CSMD1: variants seen among roughly 807,000 people sequenced by gnomAD.
CSMD1 encodes the protein CUB and Sushi multiple domains 1.
A neutral mutation model predicts 417.5 loss-of-function variants in CSMD1; 213 were observed. The observed-to-expected ratio is 0.51, with a 90% CI of 0.46 to 0.57. The LOEUF (loss-of-function observed/expected upper bound fraction) is 0.57. CSMD1 is among the 20% of genes least tolerant of loss of function. The pLI is 0.00. For synonymous variants in CSMD1, 2,862 were observed against 1,736.8 expected (o/e 1.65, Z -16.11); for missense variants, 6,923 against 4,529.7 (o/e 1.53, Z -15.17).
chr8:3,448,423 GGAA>G lies in CSMD1; in HGVS notation c.1561+20286_1561+20288del, dbSNP rs1187780999. Among the ~76,000 whole-genome samples, 12 of 149,552 alleles carry G rather than the reference GGAA, an allele frequency of 8.0e-5. 2 individuals carry two copies. Among genetic ancestry groups the G allele is most frequent in the African/African-American group, 2.5e-4 (10 of 40,654 alleles). ...GGAAGGAAGGAAGGAAGGAAGGGAA[GGAA>G]GAAGGAGCAATGAAGATGACTGTGG... On this transcript the variant is annotated intron_variant, in intron 12 of 69. Coordinates refer to ENST00000635120, the MANE Select transcript of CSMD1 (RefSeq NM_033225.6).
intron 26 of CSMD1, among the ~76,000 whole-genome samples, chr8:3,277,437 C>T (rs773770140): frequency 5.3e-5 from 8 of 152,126 alleles, no homozygotes; most frequent in South Asian, 4.1e-4. Context: ...TAGACCAAGG[C>T]GGCAGGGCAC....
chr8:3,797,248 T>C (rs866782979), intron 5 of CSMD1, among the ~76,000 whole-genome samples: 2 of 151,930 alleles, frequency 1.3e-5, no homozygotes, highest in Middle Eastern at 3.2e-3. Context: ...CAAACTCAAG[T>C]GGCTATAAAG....
At chr8:3,929,362 T>C (rs1352175952) in intron 5 of CSMD1, among the ~76,000 whole-genome samples, 1 of 150,588 alleles carries the variant, frequency 6.6e-6, no homozygotes, top group Non-Finnish European at 1.5e-5. Context: ...CTAGACATTA[T>C]TTGAAAAAGT....
At chr8:4,524,768 C>A (rs919900606) in intron 2 of CSMD1, among the ~76,000 whole-genome samples, 4 of 152,050 alleles carry the variant, frequency 2.6e-5, no homozygotes, top group African/African-American at 9.7e-5. Flanking sequence ...ATTCTATCGA[C>A]AAAGTATTTA....
At chr8:4,470,856 G>T (rs376173533) in intron 2 of CSMD1, among the ~76,000 whole-genome samples, 1 of 151,886 alleles carries the variant, frequency 6.6e-6, no homozygotes, top group African/African-American at 2.4e-5. Context: ...GATTTTTTTT[G>T]AGTTATGTAA....
intron 11 of CSMD1, among the ~76,000 whole-genome samples, chr8:3,489,888 C>T (rs1343975100): frequency 2.0e-5 from 3 of 152,100 alleles, no homozygotes; most frequent in African/African-American, 7.2e-5. Context: ...TGCCAGTCTG[C>T]CATGAAGAGG....
At chr8:3,814,892 T>C (rs550246979) in intron 5 of CSMD1, among the ~76,000 whole-genome samples, 2 of 152,264 alleles carry the variant, frequency 1.3e-5, no homozygotes, top group African/African-American at 4.8e-5. Flanking sequence ...AAAGTCATGG[T>C]GAAAATAAAT....
intron 5 of CSMD1, among the ~76,000 whole-genome samples, chr8:3,883,620 TATCA>T (rs1306175675): frequency 2.0e-5 from 3 of 152,290 alleles, no homozygotes; most frequent in South Asian, 2.1e-4. Context: ...TATCAATTAA[TATCA>T]ATTATTAAAA....
chr8:4,248,447 A>C (rs1802844149), intron 3 of CSMD1, among the ~76,000 whole-genome samples: 1 of 152,142 alleles, frequency 6.6e-6, no homozygotes, highest in East Asian at 1.9e-4. Flanking sequence ...ATAAGATCCT[A>C]ATTAAAAGTA....
chr8:4,808,880 T>C (rs570064079), intron 1 of CSMD1, among the ~76,000 whole-genome samples: 2 of 152,354 alleles, frequency 1.3e-5, no homozygotes, highest in South Asian at 4.1e-4. Flanking sequence ...CTGGATCCAA[T>C]ATTCTTTTTC....
At chr8:3,066,700 T>C (rs900729869) in intron 49 of CSMD1, among the ~76,000 whole-genome samples, 22 of 152,168 alleles carry the variant, frequency 1.4e-4, no homozygotes, top group African/African-American at 5.3e-4. Context: ...CCAAACAGAC[T>C]GAAGGCTGGT....
intron 1 of CSMD1, among the ~76,000 whole-genome samples, chr8:4,911,541 C>T (rs957861949): frequency 3.3e-5 from 5 of 152,168 alleles, no homozygotes; most frequent in African/African-American, 1.2e-4. Context: ...CAAGTCAGGG[C>T]CAAACTTTAC....
chr8:3,024,296 T>G (rs7812721), intron 51 of CSMD1, among the ~76,000 whole-genome samples: 6,852 of 96,520 alleles, frequency 0.071, 178 homozygotes, highest in East Asian at 0.11. Flanking sequence ...AGGTTTTTTT[T>G]GGGGGGGGAG....
intron 3 of CSMD1, among the ~76,000 whole-genome samples, chr8:4,171,410 A>G (rs1383016023): frequency 6.6e-6 from 1 of 151,900 alleles, no homozygotes; most frequent in East Asian, 1.9e-4. Flanking sequence ...ATTTGACCCT[A>G]TTAATTACTT....
chr8:4,772,830 T>G (rs966227773), intron 1 of CSMD1, among the ~76,000 whole-genome samples: 1 of 152,178 alleles, frequency 6.6e-6, no homozygotes, highest in African/African-American at 2.4e-5. Flanking sequence ...TTCCTAAGTT[T>G]GATATGTATG....
intron 2 of CSMD1, among the ~76,000 whole-genome samples, chr8:4,527,614 T>G (rs932456427): frequency 6.6e-6 from 1 of 152,160 alleles, no homozygotes; most frequent in Non-Finnish European, 1.5e-5. Flanking sequence ...GGGCCCCATA[T>G]TGCAGCCATA....
At position 4,606,328 on chromosome 8, in the gene CSMD1, G is replaced by A. The variant is rs144355441; in HGVS notation, c.302+31014C>T. Reference sequence around the variant, plus strand: ...TATAAATGATTTCTTTGTGGACTGGGAAGAAAACAGTCAAGGAAACAGGGA... The same window carrying A: ...TATAAATGATTTCTTTGTGGACTGGAAAGAAAACAGTCAAGGAAACAGGGA... On this transcript the variant is annotated intron_variant, in intron 2 of 69. Transcript: ENST00000635120. 4.6e-3 allele frequency among the ~76,000 whole-genome samples: 702 copies of A among 152,026 alleles called. 3 individuals are homozygous for A. The highest frequency in any genetic ancestry group is 6.5e-3 in the Admixed American group (99 of 15,260).
chr8:4,289,205 G>C (rs893517212), intron 3 of CSMD1, among the ~76,000 whole-genome samples: 6 of 152,098 alleles, frequency 3.9e-5, no homozygotes, highest in Admixed American at 6.6e-5. Context: ...CTCTTTACCA[G>C]TTTCTAGATA....
At chr8:4,177,353 G>C (rs959346424) in intron 3 of CSMD1, among the ~76,000 whole-genome samples, 1 of 151,902 alleles carries the variant, frequency 6.6e-6, no homozygotes, top group Non-Finnish European at 1.5e-5. Flanking sequence ...CGAAATGACG[G>C]CAGAAATAAA....
Sources: gnomAD v4.1 joint callset for allele counts (sites outside exome capture counted in the v4.1 genomes callset) on GRCh38, gnomAD v4.1.1 for gene constraint, MANE v1.5 for transcripts, NCBI Gene and HGNC (gene_info 2026-07-23, HGNC 2026-07-21) for gene names.